Variants in CHCHD6 observed in about 807,000 individuals in gnomAD.
CHCHD6 encodes MICOS complex subunit MIC25.
In CHCHD6, 28 loss-of-function variants were observed where a neutral mutation model predicts 32.3. The observed-to-expected ratio is 0.87, with a 90% confidence interval of 0.64 to 1.19. CHCHD6 has a LOEUF of 1.19. Ranked by LOEUF, CHCHD6 falls within the 50% of genes most tolerant of loss-of-function variation. CHCHD6 has a pLI of 0.00. For synonymous variants in CHCHD6, 122 were observed against 117.5 expected, an observed-to-expected ratio of 1.04 and a Z score of -0.25; for missense variants, 333 against 307.0, an observed-to-expected ratio of 1.08 and a Z score of -0.63.
intron 6 of CHCHD6, among the ~76,000 whole-genome samples, chr3:126,925,494 T>C (rs2107595951): frequency 6.6e-6 from 1 of 152,332 alleles, no homozygotes; most frequent in East Asian, 1.9e-4. Flanking sequence ...CTCATCTTCC[T>C]GTGTAAATGT....
chr3:126,797,718 G>T (rs1005232010), intron 4 of CHCHD6, among the ~76,000 whole-genome samples: 1 of 152,174 alleles, frequency 6.6e-6, no homozygotes, highest in Admixed American at 6.5e-5. Context: ...TGCCCCCAGG[G>T]CCACTCCCAG....
At chr3:126,786,231 T>C (rs1007987852) in intron 4 of CHCHD6, among the ~76,000 whole-genome samples, 1 of 152,258 alleles carries the variant, frequency 6.6e-6, no homozygotes, top group African/African-American at 2.4e-5. Flanking sequence ...CTATCATTGT[T>C]GGACATTTGA....
intron 5 of CHCHD6, among the ~76,000 whole-genome samples, chr3:126,906,557 C>G (rs2078009662): frequency 6.6e-6 from 1 of 152,230 alleles, no homozygotes; most frequent in African/African-American, 2.4e-5. Flanking sequence ...AGACCTCTCC[C>G]AGTCTTGACT....
intron 6 of CHCHD6, among the ~76,000 whole-genome samples, chr3:126,923,050 C>A (rs1184664847): frequency 6.6e-6 from 1 of 152,126 alleles, no homozygotes; most frequent in African/African-American, 2.4e-5. Context: ...ACACAGGGAC[C>A]CCAGTGGTCT....
At chr3:126,723,296 T>C (rs995261618) in intron 1 of CHCHD6, among the ~76,000 whole-genome samples, 1 of 152,162 alleles carries the variant, frequency 6.6e-6, no homozygotes, top group Non-Finnish European at 1.5e-5. Context: ...AAAATTAAGA[T>C]GCAAAAGTTC....
chr3:126,923,490 T>C (rs2078281930), intron 6 of CHCHD6, among the ~76,000 whole-genome samples: 1 of 152,184 alleles, frequency 6.6e-6, no homozygotes, highest in Admixed American at 6.5e-5. Flanking sequence ...ATTGTGGGAT[T>C]TAAAAATAAG....
chr3:126,914,197 G>A (rs554617857), intron 5 of CHCHD6, among the ~76,000 whole-genome samples: 3 of 152,184 alleles, frequency 2.0e-5, no homozygotes, highest in South Asian at 2.1e-4. Flanking sequence ...TCACCTCTCC[G>A]GGAAGGAAAG....
chr3:126,879,974 AGT>A (rs1356280359), intron 5 of CHCHD6, among the ~76,000 whole-genome samples: 1 of 152,246 alleles, frequency 6.6e-6, no homozygotes, highest in Non-Finnish European at 1.5e-5. Context: ...AATAAGAACA[AGT>A]GTTGGGTAAA....
At chr3:126,790,755 G>T (rs187989952) in intron 4 of CHCHD6, among the ~76,000 whole-genome samples, 1 of 152,120 alleles carries the variant, frequency 6.6e-6, no homozygotes, top group East Asian at 1.9e-4. Flanking sequence ...TAACTTCTTT[G>T]TGATGGGTTC....
chr3:126,908,501 G>C (rs1183106746), intron 5 of CHCHD6, among the ~76,000 whole-genome samples: 1 of 152,186 alleles, frequency 6.6e-6, no homozygotes, highest in Non-Finnish European at 1.5e-5. Context: ...CATCTTGTCG[G>C]ATTTTCTGTA....
chr3:126,710,426 G>A (rs1314082045), intron 1 of CHCHD6, among the ~76,000 whole-genome samples: 19 of 152,088 alleles, frequency 1.2e-4, no homozygotes, highest in Admixed American at 1.2e-3. Context: ...TGGGTCCTTT[G>A]CATTTCTGAA....
chr3:126,888,147 A>T (rs1231400835), intron 5 of CHCHD6, among the ~76,000 whole-genome samples: 1 of 152,096 alleles, frequency 6.6e-6, no homozygotes, highest in East Asian at 1.9e-4. Flanking sequence ...AGGGAAGGCG[A>T]CCTTGAGGAG....
At chr3:126,733,367 G>A (rs1576350933) in intron 4 of CHCHD6, 145 bp downstream of exon 4, 5 of 736,596 alleles carry the variant, frequency 6.8e-6, no homozygotes, top group Non-Finnish European at 6.7e-6. Flanking sequence ...CTGTGGAAAA[G>A]GGTCTTTTGG....
intron 4 of CHCHD6, among the ~76,000 whole-genome samples, chr3:126,823,718 A>G (rs992340949): frequency 1.3e-5 from 2 of 152,012 alleles, no homozygotes; most frequent in African/African-American, 4.8e-5. Flanking sequence ...ACCTTGTTCC[A>G]CTGGCTGGAA....
At chr3:126,855,208 A>G (rs1352650538) in intron 5 of CHCHD6, among the ~76,000 whole-genome samples, 4 of 152,152 alleles carry the variant, frequency 2.6e-5, no homozygotes, top group Non-Finnish European at 4.4e-5. Context: ...TGAGGGTCTT[A>G]TGGCACCTGA....
At chr3:126,924,425 A>G (rs1292446080) in intron 6 of CHCHD6, among the ~76,000 whole-genome samples, 1 of 152,244 alleles carries the variant, frequency 6.6e-6, no homozygotes, top group Non-Finnish European at 1.5e-5. Context: ...ACTCTCACGT[A>G]TAGCTTGTAT....
At chr3:126,824,111 TA>T (rs1444235117) in intron 4 of CHCHD6, among the ~76,000 whole-genome samples, 2 of 152,140 alleles carry the variant, frequency 1.3e-5, no homozygotes, top group Admixed American at 6.5e-5. Flanking sequence ...TTATAGTGCA[TA>T]TTTTTCTCTT....
intron 3 of CHCHD6, 36 bp downstream of exon 3, chr3:126,730,666 C>G (rs1215994030): frequency 8.9e-6 from 14 of 1,581,344 alleles, no homozygotes; most frequent in Non-Finnish European, 1.1e-5. Context: ...CGGCACTGCG[C>G]TCCGCCTAAA....
At chr3:126,956,568 C>A (rs56693317) in intron 6 of CHCHD6, among the ~76,000 whole-genome samples, 3 of 150,412 alleles carry the variant, frequency 2.0e-5, no homozygotes, top group African/African-American at 7.4e-5. Context: ...AGGGAGTGCA[C>A]GAATGTGCTG....
Sources: gnomAD v4.1 joint callset for allele counts (sites outside exome capture counted in the v4.1 genomes callset) on GRCh38, gnomAD v4.1.1 for gene constraint, MANE v1.5 for transcripts, NCBI Gene and HGNC (gene_info 2026-07-23, HGNC 2026-07-21) for gene names.